Variants in LIX1 observed in about 807,000 individuals in gnomAD.
The protein encoded by LIX1 is protein limb expression 1 homolog.
Under a neutral mutation model 33.4 loss-of-function variants are expected in LIX1, and 24 were observed. That is an observed-to-expected ratio of 0.72 (90% CI 0.52 to 1.01). The LOEUF (loss-of-function observed/expected upper bound fraction) is 1.01. Among genes scored for constraint, LIX1 ranks in the 50% least tolerant of loss-of-function variants. The probability of loss-of-function intolerance (pLI) is 0.00; values close to 1 mark genes in which losing one functional copy is unlikely to be tolerated. For synonymous variants in LIX1, 124 were observed against 124.0 expected, an observed-to-expected ratio of 1.00 and a Z score of 0.00; for missense variants, 311 against 339.2, an observed-to-expected ratio of 0.92 and a Z score of 0.65.
rs1746224679 is a variant in LIX1 at position 97,094,267 on chromosome 5, A to G, written c.*481T>C. ...GACATAAACTATTGCTTAGCTTACA[A>G]AGCTTAGAAAGAGACTCTGATCCTT... On this transcript the variant is annotated 3_prime_UTR_variant, in exon 6 of 6. Transcript: ENST00000274382. The G allele has an allele frequency of 1.3e-5, 2 of 156,484 alleles. No homozygotes were observed. Among genetic ancestry groups the G allele is most frequent in the South Asian group, 3.8e-4 (2 of 5,270 alleles). The allele number at this position is 156,484 out of a possible 1,614,324, so 9.7% of individuals were successfully genotyped here.
chr5:97,137,775 A>G (rs1436286660), intron 1 of LIX1, among the ~76,000 whole-genome samples: 2 of 152,168 alleles, frequency 1.3e-5, no homozygotes, highest in South Asian at 2.1e-4. Context: ...ATGCAATGCA[A>G]TATGTATAGG....
chr5:97,142,048 G>T (rs1748302315), intron 1 of LIX1, among the ~76,000 whole-genome samples: 1 of 152,028 alleles, frequency 6.6e-6, no homozygotes, highest in African/African-American at 2.4e-5. Flanking sequence ...TGTTAATTCT[G>T]GTTTGCAACA....
At chr5:97,099,982 T>C (rs1746607983) in intron 4 of LIX1, among the ~76,000 whole-genome samples, 1 of 152,238 alleles carries the variant, frequency 6.6e-6, no homozygotes. Flanking sequence ...CTTGCATCCT[T>C]GTGGCCCAGT....
At chr5:97,105,313 A>C (rs1580213375) in intron 3 of LIX1, 28 bp from the exon 4 acceptor site, 1 of 1,582,766 alleles carries the variant, frequency 6.3e-7, no homozygotes, top group East Asian at 2.2e-5. Context: ...AAAAAGAAAA[A>C]TTACTGATTT....
At chr5:97,123,832 T>A (rs1747844812) in intron 2 of LIX1, among the ~76,000 whole-genome samples, 1 of 152,164 alleles carries the variant, frequency 6.6e-6, no homozygotes, top group Non-Finnish European at 1.5e-5. Flanking sequence ...AAGAGTGTCA[T>A]TTTTTCCCTT....
chr5:97,127,097 C>T (rs891024436), intron 1 of LIX1, among the ~76,000 whole-genome samples: 1 of 152,138 alleles, frequency 6.6e-6, no homozygotes, highest in Non-Finnish European at 1.5e-5. Flanking sequence ...TTGCAGTTGA[C>T]CTCCAGAAGT....
chr5:97,121,017 C>T lies in LIX1; in HGVS notation c.246+3449G>A, dbSNP rs536774149. Reference sequence around the variant, plus strand: ...GTGTGGTGTGTCTTTTTTCCTTAATCGGAAATGCCAAAGATCTGTCTTTCT... The same window carrying T: ...GTGTGGTGTGTCTTTTTTCCTTAATTGGAAATGCCAAAGATCTGTCTTTCT... On this transcript the variant is annotated intron_variant, in intron 2 of 5. Coordinates refer to ENST00000274382, the MANE Select transcript of LIX1 (RefSeq NM_153234.5). Among the ~76,000 whole-genome samples, 402 of 152,116 alleles carry T rather than the reference C, an allele frequency of 2.6e-3. 7 individuals carry two copies. The highest frequency in any genetic ancestry group is 8.7e-3 in the African/African-American group (360 of 41,514).
At chr5:97,101,471 C>T (rs555326504) in intron 4 of LIX1, among the ~76,000 whole-genome samples, 1 of 152,238 alleles carries the variant, frequency 6.6e-6, no homozygotes, top group South Asian at 2.1e-4. Context: ...TTTCATTTTG[C>T]ACTGGGCCTG....
intron 2 of LIX1, among the ~76,000 whole-genome samples, chr5:97,116,045 T>C (rs1747627012): frequency 2.0e-5 from 3 of 152,188 alleles, no homozygotes; most frequent in Non-Finnish European, 4.4e-5. Context: ...TTTTGTGACT[T>C]GGAGTCCGAC....
intron 2 of LIX1, among the ~76,000 whole-genome samples, chr5:97,114,785 G>A (rs1747593168): frequency 1.3e-5 from 2 of 152,170 alleles, no homozygotes; most frequent in African/African-American, 4.8e-5. Flanking sequence ...GGGGCCTGAG[G>A]CTTACACAAT....
chr5:97,129,429 T>A (rs1748005550), intron 1 of LIX1, among the ~76,000 whole-genome samples: 1 of 152,206 alleles, frequency 6.6e-6, no homozygotes, highest in Non-Finnish European at 1.5e-5. Context: ...TGTTAAAATT[T>A]GAGATGCCTT....
chr5:97,134,739 GACAA>G (rs914325586), intron 1 of LIX1, among the ~76,000 whole-genome samples: 3 of 152,332 alleles, frequency 2.0e-5, no homozygotes, highest in Middle Eastern at 3.4e-3. Context: ...CCAGGACACT[GACAA>G]ACAGAGTTGC....
intron 4 of LIX1, among the ~76,000 whole-genome samples, chr5:97,099,536 G>C (rs533243655): frequency 3.3e-5 from 5 of 152,262 alleles, no homozygotes; most frequent in Non-Finnish European, 7.4e-5. Context: ...TCCATTTTTA[G>C]AAAAGAGAAA....
At chr5:97,121,374 T>C (rs983287648) in intron 2 of LIX1, among the ~76,000 whole-genome samples, 62 of 152,216 alleles carry the variant, frequency 4.1e-4, no homozygotes, top group Admixed American at 8.5e-4. Flanking sequence ...TTTCCTCCCC[T>C]CTATTTCCTT....
intron 2 of LIX1, among the ~76,000 whole-genome samples, chr5:97,119,224 G>A (rs1747717388): frequency 6.6e-6 from 1 of 152,142 alleles, no homozygotes; most frequent in African/African-American, 2.4e-5. Flanking sequence ...CTGGCATAAT[G>A]GTTTCTCCAT....
At chr5:97,141,963 C>T (rs1203898635) in intron 1 of LIX1, among the ~76,000 whole-genome samples, 1 of 152,126 alleles carries the variant, frequency 6.6e-6, no homozygotes, top group Non-Finnish European at 1.5e-5. Context: ...GGTTAGGAGG[C>T]ATCTCATTTT....
chr5:97,111,194 T>C (rs1747370960), intron 2 of LIX1, among the ~76,000 whole-genome samples: 1 of 152,140 alleles, frequency 6.6e-6, no homozygotes, highest in South Asian at 2.1e-4. Context: ...GACTTAGTTG[T>C]CTCCCGCCTC....
rs1250901699 is a variant in LIX1, at chr5:97,094,816, T to C, written c.781A>G (p.Ser261Gly). 6.8e-6 allele frequency: 11 copies of C among 1,614,220 alleles called. No homozygotes were observed. Among genetic ancestry groups the C allele is most frequent in the Non-Finnish European group, 9.3e-6 (11 of 1,180,038 alleles). The change falls in exon 6 of 6, where the codon AGT becomes GGT. Residue 261 changes from serine to glycine, a missense_variant. Ser to Gly is a moderately conservative substitution (Grantham distance 56). Coordinates refer to ENST00000274382, the MANE Select transcript of LIX1 (RefSeq NM_153234.5). ...CTGGGTGAGGAAGTGTCAGGGTCAC[T>C]GCAGATCTGAGTCAGGGCTAAGCTC... Reference protein sequence around the residue: ...ILSLALTQICSDPDTSSPSDD... With the variant: ...ILSLALTQICGDPDTSSPSDD...
At chr5:97,110,334 C>A (rs1422444008) in intron 2 of LIX1, among the ~76,000 whole-genome samples, 1 of 152,140 alleles carries the variant, frequency 6.6e-6, no homozygotes, top group Non-Finnish European at 1.5e-5. Context: ...CAAAAACCAA[C>A]CAAACAAACA....
Sources: allele counts gnomAD v4.1 joint callset (sites outside exome capture counted in the v4.1 genomes callset), GRCh38; gene constraint gnomAD v4.1.1; transcripts MANE v1.5; gene names NCBI Gene and HGNC (gene_info 2026-07-23, HGNC 2026-07-21).